Variants in FXR1 observed in about 807,000 individuals in gnomAD.
The protein encoded by FXR1 is FMR1 autosomal homolog 1.
In FXR1, 15 loss-of-function variants were observed where a neutral mutation model predicts 84.0. That is an observed-to-expected ratio of 0.18 (90% CI 0.12 to 0.27). The LOEUF (loss-of-function observed/expected upper bound fraction) is 0.27. Ranked by LOEUF, FXR1 falls within the 10% of genes least tolerant of loss-of-function variation. FXR1 has a pLI of 1.00. For missense variants in FXR1, 480 were observed against 774.4 expected (o/e 0.62, Z 4.51); for synonymous variants, 245 against 250.7 (o/e 0.98, Z 0.21).
intron 9 of FXR1, among the ~76,000 whole-genome samples, chr3:180,957,056 C>G (rs1268566728): frequency 6.6e-6 from 1 of 152,116 alleles, no homozygotes; most frequent in Non-Finnish European, 1.5e-5. Context: ...AGGTACACAA[C>G]TCAGTGTTGC....
chr3:180,945,015 G>A (rs1451204163), intron 3 of FXR1, among the ~76,000 whole-genome samples: 2 of 152,310 alleles, frequency 1.3e-5, no homozygotes, highest in African/African-American at 4.8e-5. Context: ...TACAATGAAT[G>A]CAGTTCTCTA....
At chr3:180,922,224 T>C (rs1250777174) in intron 1 of FXR1, among the ~76,000 whole-genome samples, 9 of 152,190 alleles carry the variant, frequency 5.9e-5, no homozygotes. Flanking sequence ...CAAAAAACTG[T>C]AATAAATGTT....
chr3:180,919,162 C>G (rs1718249648), intron 1 of FXR1, among the ~76,000 whole-genome samples: 1 of 151,814 alleles, frequency 6.6e-6, no homozygotes, highest in South Asian at 2.1e-4. Context: ...TAGCCACCAG[C>G]CATGGAGCTG....
At chr3:180,930,166 G>A (rs1719716253) in intron 1 of FXR1, among the ~76,000 whole-genome samples, 1 of 152,186 alleles carries the variant, frequency 6.6e-6, no homozygotes, top group African/African-American at 2.4e-5. Flanking sequence ...GGGAGGCTGA[G>A]GCAGGAGAAG....
chr3:180,927,731 C>T (rs1719399379), intron 1 of FXR1: 1 of 442,562 alleles, frequency 2.3e-6, no homozygotes, highest in South Asian at 5.4e-5. Flanking sequence ...AAGAGAAAAG[C>T]GAAGTTCAGA....
At chr3:180,943,506 A>T (rs1046607101) in intron 3 of FXR1, among the ~76,000 whole-genome samples, 16 of 152,056 alleles carry the variant, frequency 1.1e-4, no homozygotes, top group African/African-American at 3.9e-4. Context: ...ACCTCAGGTG[A>T]TCCACCCGCC....
At chr3:180,961,770 C>T (rs1283867177) in intron 11 of FXR1, among the ~76,000 whole-genome samples, 1 of 152,028 alleles carries the variant, frequency 6.6e-6, no homozygotes, top group African/African-American at 2.4e-5. Context: ...AATGATTGGC[C>T]TTGTGTGCAT....
At chr3:180,962,032 T>C (rs1432034067) in intron 11 of FXR1, among the ~76,000 whole-genome samples, 1 of 152,212 alleles carries the variant, frequency 6.6e-6, no homozygotes, top group African/African-American at 2.4e-5. Context: ...TTTGTAACCA[T>C]TGTTAACAAA....
At chr3:180,938,710 G>A (rs1576932495) in intron 3 of FXR1, among the ~76,000 whole-genome samples, 1 of 151,790 alleles carries the variant, frequency 6.6e-6, no homozygotes, top group Admixed American at 6.6e-5. Context: ...CATCATACCC[G>A]GCTGATTTTG....
intron 3 of FXR1, among the ~76,000 whole-genome samples, chr3:180,941,825 C>T (rs1576939879): frequency 6.6e-6 from 1 of 152,144 alleles, no homozygotes; most frequent in Admixed American, 6.5e-5. Flanking sequence ...GTAGAGAAAT[C>T]ATACATGTTC....
At chr3:180,941,809 A>T (rs2108455287) in intron 3 of FXR1, among the ~76,000 whole-genome samples, 1 of 152,316 alleles carries the variant, frequency 6.6e-6, no homozygotes, top group East Asian at 1.9e-4. Context: ...TAATACTATT[A>T]TTTAGGTAGA....
chr3:180,919,855 A>G (rs1339395990), intron 1 of FXR1, among the ~76,000 whole-genome samples: 1 of 150,654 alleles, frequency 6.6e-6, no homozygotes, highest in Non-Finnish European at 1.5e-5. Flanking sequence ...TGTATTAGAG[A>G]TGGGGTTTCA....
intron 1 of FXR1, among the ~76,000 whole-genome samples, chr3:180,925,036 C>T (rs1560163210): frequency 6.6e-6 from 1 of 152,080 alleles, no homozygotes; most frequent in African/African-American, 2.4e-5. Context: ...TCCTCAGTGC[C>T]ATGGAGAGTA....
Position 180,953,097 on chromosome 3 carries a change from C to T in FXR1, c.802-665C>T, listed in dbSNP as rs189940852. 5.5e-4 allele frequency among the ~76,000 whole-genome samples: 84 copies of T among 152,236 alleles called. 1 individual carries two copies. The highest frequency in any genetic ancestry group is 1.9e-3 in the African/African-American group (79 of 41,544). On this transcript the variant is annotated intron_variant, in intron 8 of 16. Transcript: ENST00000357559. The stretch of plus-strand genomic sequence containing the variant: ...GCCTTAAACGATCCTCCTATATTGG[C>T]CTCCCAAAGTGCAGGGATTACAGGC...
At chr3:180,975,455 G>C in intron 16 of FXR1, 51 bp downstream of exon 16, 1 of 699,720 alleles carries the variant, frequency 1.4e-6, no homozygotes, top group Non-Finnish European at 2.4e-6. Context: ...TTTTGGTATG[G>C]TTTAGCTTTA....
At position 180,921,523 on chromosome 3, in the gene FXR1, ATTGTTTGAAG is replaced by A. The variant is rs1403409365; in HGVS notation, c.51+8790_51+8799del. ...TTGCGTAGATCTTTTTAAAAAGTAT[ATTGTTTGAAG>A]TTAAGACATTTTTTTGATTGCAGTA... On this transcript the variant is annotated intron_variant, in intron 1 of 16. Coordinates refer to ENST00000357559, the MANE Select transcript of FXR1 (RefSeq NM_005087.4). Among the ~76,000 whole-genome samples the A allele has an allele frequency of 2.6e-5, 4 of 152,286 alleles. No individual in the cohort carries two copies. In the East Asian group the frequency reaches 7.7e-4, roughly 29 times the overall value.
At chr3:180,964,701 A>ATATAT (rs10530708) in intron 13 of FXR1, among the ~76,000 whole-genome samples, 3 of 141,980 alleles carry the variant, frequency 2.1e-5, no homozygotes, top group African/African-American at 5.2e-5. Flanking sequence ...ATATATATAT[A>ATATAT]ATGAGTACTG....
intron 13 of FXR1, among the ~76,000 whole-genome samples, chr3:180,964,156 A>G (rs971720505): frequency 6.6e-6 from 1 of 152,178 alleles, no homozygotes; most frequent in African/African-American, 2.4e-5. Context: ...TTAATGCAGT[A>G]TTGAAACCTA....
chr3:180,951,493 G>C, intron 8 of FXR1, 25 bp downstream of exon 8: 1 of 1,530,972 alleles, frequency 6.5e-7, no homozygotes, highest in South Asian at 1.2e-5. Flanking sequence ...TCCTGCCTTG[G>C]CCTTTAGTGT....
Sources: gnomAD v4.1 joint callset for allele counts (sites outside exome capture counted in the v4.1 genomes callset) on GRCh38, gnomAD v4.1.1 for gene constraint, MANE v1.5 for transcripts, NCBI Gene and HGNC (gene_info 2026-07-23, HGNC 2026-07-21) for gene names.